The following UNKL variants were observed in gnomAD, a reference collection of about 807,000 sequenced individuals.
UNKL encodes the protein putative E3 ubiquitin-protein ligase UNKL.
Under a neutral mutation model 78.0 loss-of-function variants are expected in UNKL, and 60 were observed. The ratio of observed to expected loss-of-function variants is 0.77; its 90% CI spans 0.63 to 0.95. UNKL has a LOEUF of 0.95. Among genes scored for constraint, UNKL ranks in the 40% least tolerant of loss-of-function variants. UNKL has a pLI of 0.00. For missense variants in UNKL, 1,159 were observed against 1,045.7 expected, an observed-to-expected ratio of 1.11 and a Z score of -1.49; for synonymous variants, 608 against 474.8, an observed-to-expected ratio of 1.28 and a Z score of -3.65.
Position 1,370,180 on chromosome 16 carries a change from C to T in UNKL, c.1535G>A (p.Arg512His), listed in dbSNP as rs373311299. Reference sequence around the variant, plus strand: ...AGAGCCCAGTGTGCCCGGCTCTGAACGCAGGGGTGGCGGCTGCTGGGGAGG... The same window carrying T: ...AGAGCCCAGTGTGCCCGGCTCTGAATGCAGGGGTGGCGGCTGCTGGGGAGG... ...MTPPQQPPPL[R>H]SEPGTLGSAA... The change falls in exon 12 of 15, where the codon CGT becomes CAT. Residue 512 changes from arginine (R) to histidine (H), a missense_variant. Coordinates refer to ENST00000389221, the MANE Select transcript of UNKL (RefSeq NM_001372107.1). 29 of 1,517,554 alleles carry T rather than the reference C, an allele frequency of 1.9e-5. No homozygotes were observed. The highest frequency in any genetic ancestry group is 4.1e-5 in the Admixed American group (2 of 48,546). The allele number at this position is 1,517,554 out of a possible 1,614,324, so 94.0% of individuals were successfully genotyped here.
At chr16:1,367,887 AG>A (rs1567197724) in intron 12 of UNKL, 29 bp from the exon 13 acceptor site, 1 of 1,529,950 alleles carries the variant, frequency 6.5e-7, no homozygotes, top group Non-Finnish European at 8.8e-7. Context: ...ATGACGGCCC[AG>A]CCCTGCTGTG....
Position 1,363,384 on chromosome 16 carries a change from C to T in UNKL, c.*2856G>A, listed in dbSNP as rs2034987121. 1 of 417,260 alleles carries T rather than the reference C, an allele frequency of 2.4e-6. No individual in the cohort carries two copies. Among genetic ancestry groups the T allele is most frequent in the South Asian group, 2.2e-5 (1 of 46,402 alleles). 25.8% of individuals were successfully genotyped at this position (417,260 alleles called of 1,614,324 possible). A position where few individuals can be genotyped will look rare whatever the true frequency, so the allele number is the denominator to read the frequency against. On this transcript the variant is annotated 3_prime_UTR_variant, in exon 15 of 15. Coordinates refer to ENST00000389221, the MANE Select transcript of UNKL (RefSeq NM_001372107.1). ...GGTTAAGAAAATTCCATTCAAATAA[C>T]ATTCTCATGTAAATACTCAAACATA... is the stretch of plus-strand genomic sequence containing the variant.
At chr16:1,374,746 G>A (rs2036086244) in intron 10 of UNKL, among the ~76,000 whole-genome samples, 1 of 152,146 alleles carries the variant, frequency 6.6e-6, no homozygotes, top group Non-Finnish European at 1.5e-5. Context: ...GGCCATGTCA[G>A]GGTGACAGCA....
chr16:1,400,778 C>T (rs908294253), intron 4 of UNKL, among the ~76,000 whole-genome samples: 5 of 152,078 alleles, frequency 3.3e-5, no homozygotes, highest in Non-Finnish European at 5.9e-5. Context: ...ACCTTCACCC[C>T]CCGAGTTCAA....
chr16:1,395,758 G>A (rs2037232719), intron 6 of UNKL: 1 of 456,528 alleles, frequency 2.2e-6, no homozygotes, highest in African/African-American at 2.0e-5. Flanking sequence ...TCTGCAACCA[G>A]GCCTGCGTGA....
chr16:1,388,424 A>G (rs1305939403), intron 9 of UNKL, among the ~76,000 whole-genome samples: 6 of 151,886 alleles, frequency 4.0e-5, no homozygotes, highest in Admixed American at 1.3e-4. Context: ...AGGGGACTCC[A>G]CCCCGGAGGC....
intron 10 of UNKL, among the ~76,000 whole-genome samples, chr16:1,374,271 G>A (rs1017542897): frequency 3.9e-5 from 6 of 152,194 alleles, no homozygotes; most frequent in African/African-American, 1.2e-4. Context: ...TCCCATGTGC[G>A]CTGTGTGGGG....
chr16:1,367,995 C>G, intron 12 of UNKL, 137 bp from the exon 13 acceptor site: 1 of 739,946 alleles, frequency 1.4e-6, no homozygotes, highest in South Asian at 1.8e-5. Flanking sequence ...AGGGGTGCAG[C>G]CACGCCTGCC....
intron 11 of UNKL, among the ~76,000 whole-genome samples, chr16:1,371,161 G>T (rs2035801082): frequency 1.3e-5 from 2 of 152,096 alleles, no homozygotes; most frequent in African/African-American, 4.8e-5. Flanking sequence ...TTATCCTTCG[G>T]GGACCATCAA....
At position 1,399,880 on chromosome 16, in the gene UNKL, G is replaced by A. The variant is rs1382483495; in HGVS notation, c.599-371C>T. Among the ~76,000 whole-genome samples, 4 of 152,140 alleles carry A rather than the reference G, an allele frequency of 2.6e-5. No homozygotes were observed. Among genetic ancestry groups the A allele is most frequent in the African/African-American group, 7.2e-5 (3 of 41,404 alleles). ...GAGGTGATGTGTGCACAGCTTTTGAGAATATGCTAAAATCCAGAGACATGC... is the reference window on the plus strand; with the variant it reads ...GAGGTGATGTGTGCACAGCTTTTGAAAATATGCTAAAATCCAGAGACATGC... On this transcript the variant is annotated intron_variant, in intron 4 of 14. Coordinates refer to ENST00000389221, the MANE Select transcript of UNKL (RefSeq NM_001372107.1). The surrounding 1 kb of genome is among the most constrained non-coding windows in gnomAD (Gnocchi z 5.8).
At chr16:1,378,058 C>T (rs2036362036) in intron 10 of UNKL, among the ~76,000 whole-genome samples, 1 of 152,206 alleles carries the variant, frequency 6.6e-6, no homozygotes, top group Admixed American at 6.5e-5. Flanking sequence ...CCTGCTGTGC[C>T]ACTGCAGGCT....
chr16:1,370,068 T>A, intron 12 of UNKL, 62 bp downstream of exon 12: 1 of 1,548,908 alleles, frequency 6.5e-7, no homozygotes, highest in Non-Finnish European at 8.7e-7. Context: ...CAGGACGGCA[T>A]CTGGGAGGGA....
chr16:1,367,398 T>G, intron 13 of UNKL, 49 bp from the exon 14 acceptor site: 1 of 1,485,544 alleles, frequency 6.7e-7, no homozygotes, highest in African/African-American at 1.6e-5. Flanking sequence ...CTGTGCCACC[T>G]GCAGACCCTC....
rs2038168925 is a variant in UNKL, at chr16:1,414,060, A to G, written c.78-5T>C. On this transcript the variant is annotated splice_polypyrimidine_tract_variant and splice_region_variant and intron_variant, in intron 1 of 14. Transcript: ENST00000389221. ...GTCCTGAACTCCTTCAGGTACCTACAAACACAGACAGCGCCGCGGCTCGCT... is the reference window on the plus strand; with the variant it reads ...GTCCTGAACTCCTTCAGGTACCTACGAACACAGACAGCGCCGCGGCTCGCT... The G allele has an allele frequency of 6.5e-7, 1 of 1,532,504 alleles. No homozygotes were observed. The highest frequency in any genetic ancestry group is 8.8e-7 in the Non-Finnish European group (1 of 1,133,642). 94.9% of individuals were successfully genotyped at this position (1,532,504 alleles called of 1,614,324 possible). A position where few individuals can be genotyped will look rare whatever the true frequency, so the allele number is the denominator to read the frequency against.
At chr16:1,368,910 A>G (rs938199599) in intron 12 of UNKL, among the ~76,000 whole-genome samples, 1 of 151,976 alleles carries the variant, frequency 6.6e-6, no homozygotes, top group Non-Finnish European at 1.5e-5. Flanking sequence ...AAAACTTTTA[A>G]AATTTTGTAT....
intron 8 of UNKL, among the ~76,000 whole-genome samples, 183 bp from the exon 9 acceptor site, chr16:1,390,877 A>G (rs921149044): frequency 3.9e-5 from 6 of 152,020 alleles, no homozygotes; most frequent in Non-Finnish European, 7.4e-5. Flanking sequence ...TAAAAACACA[A>G]AAAATAGCCA....
At chr16:1,369,182 G>A (rs187124842) in intron 12 of UNKL, among the ~76,000 whole-genome samples, 51 of 141,686 alleles carry the variant, frequency 3.6e-4, no homozygotes, top group Non-Finnish European at 4.8e-4. Flanking sequence ...CGATTCTCCT[G>A]CCTTAGCCTC....
At chr16:1,390,328 A>G (rs1471656168) in intron 9 of UNKL, among the ~76,000 whole-genome samples, 1 of 152,322 alleles carries the variant, frequency 6.6e-6, no homozygotes, top group East Asian at 1.9e-4. Context: ...CTTCCCTCGC[A>G]GCCCAAAAAA....
chr16:1,395,688 A>C (rs1241798185), intron 6 of UNKL: 1 of 456,452 alleles, frequency 2.2e-6, no homozygotes, highest in Non-Finnish European at 4.4e-6. Context: ...CTCAGGATTT[A>C]TGGTGCGGCT....
Sources: gnomAD v4.1 joint callset for allele counts (sites outside exome capture counted in the v4.1 genomes callset) on GRCh38, gnomAD v4.1.1 for gene constraint, Gnocchi (gnomAD v3.1) non-coding constraint, MANE v1.5 for transcripts, NCBI Gene and HGNC (gene_info 2026-07-23, HGNC 2026-07-21) for gene names.